PDZRN4: variants seen among roughly 807,000 people sequenced by gnomAD.
PDZRN4 encodes PDZ domain-containing RING finger protein 4.
PDZRN4 carries 70 observed loss-of-function variants against 99.0 expected under a neutral mutation model. The ratio of observed to expected loss-of-function variants is 0.71; its 90% CI spans 0.58 to 0.86. The LOEUF is 0.86. Among genes scored for constraint, PDZRN4 ranks in the 40% least tolerant of loss-of-function variants. PDZRN4 has a pLI of 0.00. For missense variants in PDZRN4, 1,474 were observed against 1,331.2 expected, an observed-to-expected ratio of 1.11 and a Z score of -1.67; for synonymous variants, 551 against 501.6, an observed-to-expected ratio of 1.10 and a Z score of -1.32.
intron 5 of PDZRN4, among the ~76,000 whole-genome samples, chr12:41,550,149 C>T (rs1939027318): frequency 6.6e-6 from 1 of 152,028 alleles, no homozygotes; most frequent in African/African-American, 2.4e-5. Context: ...TAAGCAAACA[C>T]CAAAGTCAAA....
chr12:41,419,105 G>A (rs1952470057), intron 3 of PDZRN4, among the ~76,000 whole-genome samples: 1 of 152,192 alleles, frequency 6.6e-6, no homozygotes, highest in South Asian at 2.1e-4. Flanking sequence ...ATGGACTTTA[G>A]CAATAACCCT....
At chr12:41,256,045 G>A (rs1257708932) in intron 3 of PDZRN4, among the ~76,000 whole-genome samples, 1 of 151,958 alleles carries the variant, frequency 6.6e-6, no homozygotes, top group Non-Finnish European at 1.5e-5. Flanking sequence ...CGGCTCTTGA[G>A]GATTCACATT....
intron 3 of PDZRN4, among the ~76,000 whole-genome samples, chr12:41,472,222 C>T (rs113817025): frequency 0.07 from 10,691 of 152,160 alleles, 501 homozygotes; most frequent in Middle Eastern, 0.13. Flanking sequence ...AAGCTGGCCT[C>T]GACCTCCTGA....
chr12:41,219,567 A>G (rs1251761129), intron 3 of PDZRN4, among the ~76,000 whole-genome samples: 1 of 152,070 alleles, frequency 6.6e-6, no homozygotes, highest in Non-Finnish European at 1.5e-5. Flanking sequence ...CTGAATTTTA[A>G]ACAGCACAAA....
intron 3 of PDZRN4, among the ~76,000 whole-genome samples, chr12:41,439,470 A>G (rs1296252901): frequency 1.3e-5 from 2 of 152,178 alleles, no homozygotes; most frequent in Non-Finnish European, 2.9e-5. Context: ...AAATTTATAT[A>G]AAAGTATAAT....
intron 3 of PDZRN4, among the ~76,000 whole-genome samples, chr12:41,213,277 G>T (rs1566364811): frequency 6.6e-6 from 1 of 152,034 alleles, no homozygotes; most frequent in Non-Finnish European, 1.5e-5. Context: ...TGGGAGGCTG[G>T]CTAGTCAGCC....
intron 3 of PDZRN4, among the ~76,000 whole-genome samples, chr12:41,477,340 G>A (rs532308492): frequency 8.3e-4 from 126 of 152,294 alleles, no homozygotes; most frequent in African/African-American, 2.3e-3. Context: ...TTGCAACTCT[G>A]GTCTCTGAAG....
intron 3 of PDZRN4, among the ~76,000 whole-genome samples, chr12:41,271,320 A>T (rs1047533040): frequency 6.6e-6 from 1 of 152,126 alleles, no homozygotes; most frequent in African/African-American, 2.4e-5. Flanking sequence ...TCCCTTAGGT[A>T]CAAAAAATAT....
At chr12:41,549,844 C>T (rs1201952886) in intron 5 of PDZRN4, among the ~76,000 whole-genome samples, 1 of 152,072 alleles carries the variant, frequency 6.6e-6, no homozygotes, top group East Asian at 1.9e-4. Context: ...ATCTATAATA[C>T]TCATACCTCA....
intron 5 of PDZRN4, among the ~76,000 whole-genome samples, chr12:41,533,252 G>A (rs1938693194): frequency 1.3e-5 from 2 of 150,974 alleles, no homozygotes; most frequent in African/African-American, 2.4e-5. Context: ...TTGGCTCACT[G>A]CAACCTCCCC....
intron 3 of PDZRN4, among the ~76,000 whole-genome samples, chr12:41,337,949 G>T (rs141099623): frequency 0.013 from 2,012 of 152,118 alleles, 23 homozygotes; most frequent in Middle Eastern, 0.037. Context: ...TTAAGAGATG[G>T]AGTCTTACTA....
At chr12:41,207,716 A>G (rs1950861437) in intron 3 of PDZRN4, among the ~76,000 whole-genome samples, 1 of 151,824 alleles carries the variant, frequency 6.6e-6, no homozygotes, top group Admixed American at 6.6e-5. Flanking sequence ...TGTGTAACAA[A>G]CACATTGGTG....
intron 3 of PDZRN4, among the ~76,000 whole-genome samples, chr12:41,449,264 G>A (rs1185622656): frequency 6.6e-6 from 1 of 151,808 alleles, no homozygotes; most frequent in Admixed American, 6.6e-5. Flanking sequence ...TCTTTCCAAG[G>A]TACCCAGTTC....
intron 3 of PDZRN4, among the ~76,000 whole-genome samples, chr12:41,293,036 G>A (rs570886642): frequency 1.3e-5 from 2 of 151,358 alleles, no homozygotes; most frequent in South Asian, 4.2e-4. Flanking sequence ...GCTTCTGGCT[G>A]CTCACTCTGG....
At chr12:41,277,089 T>C (rs992139504) in intron 3 of PDZRN4, among the ~76,000 whole-genome samples, 1 of 152,282 alleles carries the variant, frequency 6.6e-6, no homozygotes, top group Middle Eastern at 3.4e-3. Context: ...TAGCAACAAA[T>C]TGAGTATGTT....
intron 3 of PDZRN4, among the ~76,000 whole-genome samples, chr12:41,221,687 G>A (rs139039466): frequency 9.7e-4 from 148 of 152,100 alleles, no homozygotes; most frequent in African/African-American, 3.3e-3. Context: ...AGCAGTTAGC[G>A]GTCAAATTAC....
At chr12:41,436,405 C>G (rs748714765) in intron 3 of PDZRN4, among the ~76,000 whole-genome samples, 1 of 152,150 alleles carries the variant, frequency 6.6e-6, no homozygotes, top group Admixed American at 6.5e-5. Context: ...TTCCTGTTAT[C>G]GATTCTAAAC....
At chr12:41,434,621 C>G (rs145872496) in intron 3 of PDZRN4, among the ~76,000 whole-genome samples, 226 of 152,260 alleles carry the variant, frequency 1.5e-3, no homozygotes, top group African/African-American at 5.0e-3. Context: ...GCCTCTTATA[C>G]GTCAGTCTAG....
chr12:41,549,362 A>G (rs1403970088), intron 5 of PDZRN4, among the ~76,000 whole-genome samples: 2 of 152,196 alleles, frequency 1.3e-5, no homozygotes, highest in African/African-American at 4.8e-5. Context: ...CTTTCAGATA[A>G]TCAAAGTCTT....
Sources: allele counts gnomAD v4.1 joint callset (sites outside exome capture counted in the v4.1 genomes callset), GRCh38; gene constraint gnomAD v4.1.1; transcripts MANE v1.5; gene names NCBI Gene and HGNC (gene_info 2026-07-23, HGNC 2026-07-21).